Variants in RBM7 observed in about 807,000 individuals in gnomAD.
The protein encoded by RBM7 is RNA binding motif protein 7, also known as RNA-binding protein 7.
In RBM7, 13 loss-of-function variants were observed where a neutral mutation model predicts 31.0. The ratio of observed to expected loss-of-function variants is 0.42; its 90% CI spans 0.27 to 0.67. The LOEUF (loss-of-function observed/expected upper bound fraction) is 0.67. Ranked by LOEUF, RBM7 falls within the 30% of genes least tolerant of loss-of-function variation. RBM7 has a pLI of 0.24. For synonymous variants in RBM7, 106 were observed against 111.2 expected (o/e 0.95, Z 0.30); for missense variants, 245 against 326.2 (o/e 0.75, Z 1.92).
intron 3 of RBM7, among the ~76,000 whole-genome samples, chr11:114,403,902 C>T (rs903252681): frequency 1.3e-5 from 2 of 152,024 alleles, no homozygotes; most frequent in Non-Finnish European, 2.9e-5. Context: ...TGTTCAATTA[C>T]TGTAATAAGT....
chr11:114,407,870 G>A lies in RBM7; in HGVS notation c.*63G>A. ...TAGGCCCTTTGACTAAGTTGATATG[G>A]AAATATTTTGTTGAAAAACTGTACA... On this transcript the variant is annotated 3_prime_UTR_variant, in exon 5 of 5. Coordinates refer to ENST00000375490, the MANE Select transcript of RBM7 (RefSeq NM_001286045.2). 24 of 1,487,784 alleles carry A rather than the reference G, an allele frequency of 1.6e-5. No individual in the cohort carries two copies. Among genetic ancestry groups the A allele is most frequent in the Non-Finnish European group, 2.1e-5 (24 of 1,120,140 alleles). 92.2% of individuals were successfully genotyped at this position (1,487,784 alleles called of 1,614,324 possible). A position where few individuals can be genotyped will look rare whatever the true frequency, so the allele number is the denominator to read the frequency against.
chr11:114,406,114 A>C (rs975028938), intron 4 of RBM7: 2 of 251,532 alleles, frequency 8.0e-6, no homozygotes, highest in African/African-American at 4.7e-5. Flanking sequence ...TCATTGTCTG[A>C]TGCTCCTGTA....
At chr11:114,405,391 G>A (rs1827117612) in intron 3 of RBM7, among the ~76,000 whole-genome samples, 1 of 152,176 alleles carries the variant, frequency 6.6e-6, no homozygotes, top group South Asian at 2.1e-4. Flanking sequence ...CTTCAGCTGG[G>A]AAGTTTTTGC....
In RBM7 at chr11:114,410,405, C is replaced by T. The variant is rs997568329; in HGVS notation, c.*2598C>T. 1 of 152,108 alleles carries T rather than the reference C, an allele frequency of 6.6e-6. No individual in the cohort carries two copies. The highest frequency in any genetic ancestry group is 2.4e-5 in the African/African-American group (1 of 41,418). The allele number at this position is 152,108 out of a possible 1,614,324, so 9.4% of individuals were successfully genotyped here. ...CATCTAAAATAAAATTTTTATACCA[C>T]TTTCTAATTATGTTGTGTGTGCCCA... On this transcript the variant is annotated 3_prime_UTR_variant, in exon 5 of 5. Transcript: ENST00000375490.
chr11:114,402,065 A>T (rs1408067163), intron 2 of RBM7: 1 of 507,110 alleles, frequency 2.0e-6, no homozygotes, highest in South Asian at 3.3e-5. Context: ...AACTGAGCTT[A>T]AAGTTTCATT....
At chr11:114,404,691 A>G (rs1047228487) in intron 3 of RBM7, among the ~76,000 whole-genome samples, 2 of 43,988 alleles carry the variant, frequency 4.5e-5, no homozygotes, top group African/African-American at 8.7e-4. Context: ...AATTTCTTTG[A>G]AAAAAAAAAA....
intron 3 of RBM7, among the ~76,000 whole-genome samples, chr11:114,403,428 C>T (rs940849414): frequency 1.3e-5 from 2 of 152,036 alleles, no homozygotes; most frequent in East Asian, 1.9e-4. Flanking sequence ...TCTTTAGTCC[C>T]GTCTTCCCAT....
At position 114,402,382 on chromosome 11, in the gene RBM7, C is replaced by CTTTTTTTTTTTTTTTT. The variant is rs71063570; in HGVS notation, c.260-422_260-407dup. ...AAGCGGTCTACAGCAGCTTGAGATT[C>CTTTTTTTTTTTTTTTT]TTTTTTTTTTTTTTTTTTTTTTTTT... On this transcript the variant is annotated intron_variant, in intron 2 of 4. Transcript: ENST00000375490. Among the ~76,000 whole-genome samples the CTTTTTTTTTTTTTTTT allele has an allele frequency of 8.0e-5, 4 of 50,162 alleles. 1 individual carries two copies. The highest frequency in any genetic ancestry group is 1.6e-4 in the Non-Finnish European group (4 of 25,788). The allele number at this position is 50,162 out of a possible 152,430, so 32.9% of individuals were successfully genotyped here. A position where few individuals can be genotyped will look rare whatever the true frequency, so the allele number is the denominator to read the frequency against.
chr11:114,410,025 T>C lies in RBM7; in HGVS notation c.*2218T>C. 1 of 152,150 alleles carries C rather than the reference T, an allele frequency of 6.6e-6. No individual in the cohort carries two copies. Among genetic ancestry groups the C allele is most frequent in the Non-Finnish European group, 1.5e-5 (1 of 68,040 alleles). The allele number at this position is 152,150 out of a possible 1,614,324, so 9.4% of individuals were successfully genotyped here. On this transcript the variant is annotated 3_prime_UTR_variant, in exon 5 of 5. Coordinates refer to ENST00000375490, the MANE Select transcript of RBM7 (RefSeq NM_001286045.2). ...TCCCAGGTCCGGAAATCCACAGTGC[T>C]CCAATGAGCCTTTCCCCTGAGTGTC...
At chr11:114,403,050 G>A in intron 3 of RBM7, 135 bp downstream of exon 3, 1 of 787,788 alleles carries the variant, frequency 1.3e-6, no homozygotes, top group Non-Finnish European at 2.1e-6. Flanking sequence ...GCCTTTTGGG[G>A]TTGTTGTTAT....
chr11:114,405,688 T>A lies in RBM7; in HGVS notation c.348-18T>A, dbSNP rs1946257239. On this transcript the variant is annotated intron_variant, in intron 3 of 4. Transcript: ENST00000375490. ...AATATTTATTGAATGAATGGTTACA[T>A]GTTGGTTTTCTTTTTAGCAGGTACG... 1 of 1,500,856 alleles carries A rather than the reference T, an allele frequency of 6.7e-7. No individual in the cohort carries two copies. The highest frequency in any genetic ancestry group is 2.0e-5 in the Admixed American group (1 of 49,696). The allele number at this position is 1,500,856 out of a possible 1,614,324, so 93.0% of individuals were successfully genotyped here.
In RBM7 at chr11:114,408,877, A is replaced by G. The variant is rs1946302854; in HGVS notation, c.*1070A>G. ...TCCTTTTTAATACCACAGCATTTGT[A>G]CTGTTCCTTTTTAATATACTGAAAA... On this transcript the variant is annotated 3_prime_UTR_variant, in exon 5 of 5. Coordinates refer to ENST00000375490, the MANE Select transcript of RBM7 (RefSeq NM_001286045.2). 6.6e-6 allele frequency: 1 copy of G among 151,996 alleles called. No individual in the cohort carries two copies. Among genetic ancestry groups the G allele is most frequent in the African/African-American group, 2.4e-5 (1 of 41,386 alleles). 9.4% of individuals were successfully genotyped at this position (151,996 alleles called of 1,614,324 possible).
chr11:114,407,904 T>G lies in RBM7; in HGVS notation c.*97T>G. On this transcript the variant is annotated 3_prime_UTR_variant, in exon 5 of 5. Coordinates refer to ENST00000375490, the MANE Select transcript of RBM7 (RefSeq NM_001286045.2). The stretch of plus-strand genomic sequence containing the variant: ...TGTTGAAAAACTGTACAGAGCAGCT[T>G]TACAAGTTGTCACATTTCTTTATAA... The G allele has an allele frequency of 7.5e-7, 1 of 1,334,762 alleles. No individual in the cohort carries two copies. The highest frequency in any genetic ancestry group is 1.0e-6 in the Non-Finnish European group (1 of 1,003,592). The allele number at this position is 1,334,762 out of a possible 1,614,324, so 82.7% of individuals were successfully genotyped here.
At chr11:114,402,744 T>G in intron 2 of RBM7, 84 bp from the exon 3 acceptor site, 2 of 1,177,576 alleles carry the variant, frequency 1.7e-6, no homozygotes, top group East Asian at 2.3e-5. Flanking sequence ...GTGTTTACCT[T>G]TTTGGAGTGA....
chr11:114,402,201 G>C (rs1946211318), intron 2 of RBM7: 1 of 201,788 alleles, frequency 5.0e-6, no homozygotes, highest in Admixed American at 6.3e-5. Flanking sequence ...TATATATTTT[G>C]GTTCTTGATC....
intron 4 of RBM7, chr11:114,406,615 C>G (rs1946268456): frequency 6.6e-6 from 1 of 152,180 alleles, no homozygotes; most frequent in Non-Finnish European, 1.5e-5. Context: ...GCTTATCTTC[C>G]TTGCACATTG....
rs1328295910 is a variant in RBM7, at chr11:114,409,460, C to G, written c.*1653C>G. On this transcript the variant is annotated 3_prime_UTR_variant, in exon 5 of 5. Coordinates refer to ENST00000375490, the MANE Select transcript of RBM7 (RefSeq NM_001286045.2). The stretch of plus-strand genomic sequence containing the variant: ...CTCAGGTCACTGCAACCTCCATATC[C>G]CGGGTTCAAGTGATTCTCCTGCCTT... The G allele has an allele frequency of 1.3e-5, 2 of 151,954 alleles. No homozygotes were observed. The highest frequency in any genetic ancestry group is 4.8e-5 in the African/African-American group (2 of 41,340). 9.4% of individuals were successfully genotyped at this position (151,954 alleles called of 1,614,324 possible). A position where few individuals can be genotyped will look rare whatever the true frequency, so the allele number is the denominator to read the frequency against.
intron 3 of RBM7, among the ~76,000 whole-genome samples, chr11:114,403,173 C>T (rs960634754): frequency 6.6e-6 from 1 of 152,170 alleles, no homozygotes; most frequent in African/African-American, 2.4e-5. Context: ...GCGACATAAC[C>T]ATACCCACAT....
At position 114,404,981 on chromosome 11, in the gene RBM7, A is replaced by G. The variant is rs574434181; in HGVS notation, c.348-725A>G. On this transcript the variant is annotated intron_variant, in intron 3 of 4. Coordinates refer to ENST00000375490, the MANE Select transcript of RBM7 (RefSeq NM_001286045.2). ...TATAAATCCTCAAAAGTAATATCCT[A>G]TGTATGTTACAGAACTCTTAATTCC... Among the ~76,000 whole-genome samples, 17 of 152,346 alleles carry G rather than the reference A, an allele frequency of 1.1e-4. No individual in the cohort carries two copies. In the South Asian group the frequency reaches 1.7e-3, roughly 15 times the overall value.
Sources: allele counts gnomAD v4.1 joint callset (sites outside exome capture counted in the v4.1 genomes callset), GRCh38; gene constraint gnomAD v4.1.1; transcripts MANE v1.5; gene names NCBI Gene and HGNC (gene_info 2026-07-23, HGNC 2026-07-21).